ALK: variants seen among roughly 807,000 people sequenced by gnomAD.
The protein encoded by ALK is ALK receptor tyrosine kinase.
In ALK, 74 loss-of-function variants were observed where a neutral mutation model predicts 163.1. The observed-to-expected ratio is 0.45, with a 90% CI of 0.38 to 0.55. The LOEUF (loss-of-function observed/expected upper bound fraction) is 0.55. Among genes scored for constraint, ALK ranks in the 20% least tolerant of loss-of-function variants. ALK has a pLI of 0.00. For missense variants in ALK, 2,063 were observed against 2,105.3 expected (o/e 0.98, Z 0.39); for synonymous variants, 960 against 843.2 (o/e 1.14, Z -2.40).
intron 3 of ALK, among the ~76,000 whole-genome samples, chr2:29,656,510 T>G (rs1337963523): frequency 2.0e-5 from 3 of 152,194 alleles, no homozygotes; most frequent in Non-Finnish European, 2.9e-5. Flanking sequence ...AAGGTAATAG[T>G]GCTAGCTAAT....
chr2:29,543,847 C>T (rs1375313063), intron 3 of ALK, among the ~76,000 whole-genome samples: 1 of 152,174 alleles, frequency 6.6e-6, no homozygotes, highest in Admixed American at 6.5e-5. Flanking sequence ...ATTTGTTCCT[C>T]CGTTGATAGT....
intron 4 of ALK, among the ~76,000 whole-genome samples, chr2:29,445,823 G>T (rs12714280): frequency 0.37 from 56,465 of 151,100 alleles, 10,843 homozygotes; most frequent in East Asian, 0.68. Flanking sequence ...GCGCTGGCCG[G>T]GCGCGGTGGC....
At chr2:29,429,041 C>A (rs771048309) in intron 4 of ALK, among the ~76,000 whole-genome samples, 6 of 151,882 alleles carry the variant, frequency 4.0e-5, no homozygotes, top group Non-Finnish European at 8.8e-5. Flanking sequence ...GAAGATTCAA[C>A]AAACTTGAAC....
intron 5 of ALK, among the ~76,000 whole-genome samples, chr2:29,380,105 C>CTTTT (rs200374527): frequency 1.5e-5 from 2 of 137,824 alleles, no homozygotes; most frequent in African/African-American, 5.4e-5. Context: ...GTGCTGCACA[C>CTTTT]TTTTTTTTTT....
intron 6 of ALK, among the ~76,000 whole-genome samples, chr2:29,327,881 A>G (rs1222839350): frequency 6.6e-6 from 1 of 152,004 alleles, no homozygotes; most frequent in Admixed American, 6.6e-5. Flanking sequence ...AGTAGATGTG[A>G]CTCGAGAAAG....
chr2:29,365,791 C>G (rs1668490431), intron 5 of ALK, among the ~76,000 whole-genome samples: 1 of 152,106 alleles, frequency 6.6e-6, no homozygotes. Flanking sequence ...CCATAAAGAC[C>G]TTTATAAAAG....
At chr2:29,883,724 A>T (rs2148420075) in intron 1 of ALK, among the ~76,000 whole-genome samples, 1 of 152,340 alleles carries the variant, frequency 6.6e-6, no homozygotes, top group South Asian at 2.1e-4. Flanking sequence ...AAATATGGAT[A>T]ACCTTTGAAC....
At chr2:29,625,296 T>C (rs1676160005) in intron 3 of ALK, among the ~76,000 whole-genome samples, 1 of 152,194 alleles carries the variant, frequency 6.6e-6, no homozygotes, top group African/African-American at 2.4e-5. Flanking sequence ...AACTTCCAAA[T>C]TAATTCTGTT....
In ALK at chr2:29,536,919, G is replaced by C. The variant is rs376617743; in HGVS notation, c.953-4803C>G. The stretch of plus-strand genomic sequence containing the variant: ...GGGATCTGTGGAAGGTTGAACTTAA[G>C]AGTGATAACTTAGGGTATGTGGCAG... On this transcript the variant is annotated intron_variant, in intron 3 of 28. Coordinates refer to ENST00000389048, the MANE Select transcript of ALK (RefSeq NM_004304.5). Among the ~76,000 whole-genome samples the C allele has an allele frequency of 2.6e-5, 4 of 152,224 alleles. No homozygotes were observed. The East Asian group carries it at 5.8e-4, about 22-fold the overall frequency.
intron 3 of ALK, among the ~76,000 whole-genome samples, chr2:29,619,548 G>A (rs10865513): frequency 0.61 from 92,918 of 151,900 alleles, 29,735 homozygotes; most frequent in East Asian, 0.74. Context: ...GGCCTCTTCA[G>A]TGTCACTGAC....
At chr2:29,562,414 C>A (rs1427474729) in intron 3 of ALK, among the ~76,000 whole-genome samples, 1 of 152,174 alleles carries the variant, frequency 6.6e-6, no homozygotes, top group Admixed American at 6.5e-5. Context: ...CACTGCATGG[C>A]CTCCTTTCCA....
chr2:29,459,538 T>A (rs1014247236), intron 4 of ALK, among the ~76,000 whole-genome samples: 13 of 151,874 alleles, frequency 8.6e-5, no homozygotes, highest in African/African-American at 3.1e-4. Flanking sequence ...ACTGATTGGC[T>A]AAGGATGGGC....
intron 4 of ALK, among the ~76,000 whole-genome samples, chr2:29,409,700 G>T (rs910839712): frequency 1.3e-5 from 2 of 152,080 alleles, no homozygotes; most frequent in Non-Finnish European, 2.9e-5. Context: ...CTGGGACCGT[G>T]GTGCAGTATT....
rs60429543 is a variant in ALK, at chr2:29,571,602, C to CTTTTTTTTTTTTTT, written c.953-39500_953-39487dup. ...TAAATTACCTAGTCTTGGCTCATAT[C>CTTTTTTTTTTTTTT]TTTTTTTTTTTTTTTTTTTTTTTTT... On this transcript the variant is annotated intron_variant, in intron 3 of 28. Coordinates refer to ENST00000389048, the MANE Select transcript of ALK (RefSeq NM_004304.5). Among the ~76,000 whole-genome samples, 42 of 68,522 alleles carry CTTTTTTTTTTTTTT rather than the reference C, an allele frequency of 6.1e-4. 1 individual carries two copies. Among genetic ancestry groups the CTTTTTTTTTTTTTT allele is most frequent in the East Asian group, 1.1e-3 (3 of 2,668 alleles). The allele number at this position is 68,522 out of a possible 152,430, so 45.0% of individuals were successfully genotyped here. A position where few individuals can be genotyped will look rare whatever the true frequency, so the allele number is the denominator to read the frequency against.
chr2:29,238,720 G>T (rs1307643820), intron 13 of ALK, among the ~76,000 whole-genome samples: 1 of 152,166 alleles, frequency 6.6e-6, no homozygotes, highest in African/African-American at 2.4e-5. Context: ...AGAGTGAGCT[G>T]CCCTCTGTTC....
intron 1 of ALK, among the ~76,000 whole-genome samples, chr2:29,741,212 A>T (rs1310929576): frequency 6.6e-6 from 1 of 152,144 alleles, no homozygotes; most frequent in African/African-American, 2.4e-5. Context: ...GGGAAGATAA[A>T]TAGGTGGACC....
At chr2:29,211,380 GA>G (rs1204242555) in intron 24 of ALK, among the ~76,000 whole-genome samples, 2 of 152,196 alleles carry the variant, frequency 1.3e-5, no homozygotes, top group Non-Finnish European at 2.9e-5. Context: ...TATGGCTCCA[GA>G]AAAGTCTTTA....
intron 4 of ALK, among the ~76,000 whole-genome samples, chr2:29,492,517 T>TGGG: frequency 6.6e-6 from 1 of 152,288 alleles, no homozygotes; most frequent in Non-Finnish European, 1.5e-5. Context: ...CGTCCCACAC[T>TGGG]GGACCCTATT....
chr2:29,784,923 G>A (rs1366302799), intron 1 of ALK, among the ~76,000 whole-genome samples: 1 of 152,022 alleles, frequency 6.6e-6, no homozygotes. Flanking sequence ...GAAGACCTAC[G>A]AGAAATCCAC....
Sources: allele counts gnomAD v4.1 joint callset (sites outside exome capture counted in the v4.1 genomes callset), GRCh38; gene constraint gnomAD v4.1.1; transcripts MANE v1.5; gene names NCBI Gene and HGNC (gene_info 2026-07-23, HGNC 2026-07-21).